Variants in F8 observed in about 807,000 individuals in gnomAD.
F8 encodes coagulation factor VIII.
F8 carries 12 observed loss-of-function variants against 140.6 expected under a neutral mutation model. That is an observed-to-expected ratio of 0.09 (90% CI 0.05 to 0.14). F8 has a LOEUF of 0.14. F8 is among the 10% of genes least tolerant of loss of function. F8 has a pLI of 1.00. For synonymous variants in F8, 585 were observed against 614.6 expected, an observed-to-expected ratio of 0.95 and a Z score of 0.71; for missense variants, 1,354 against 1,720.7, an observed-to-expected ratio of 0.79 and a Z score of 3.77.
intron 25 of F8, among the ~76,000 whole-genome samples, chrX:154,844,747 T>A: frequency 9.0e-6 from 1 of 111,421 alleles, no homozygotes; most frequent in East Asian, 2.8e-4. Context: ...ACAGGGACAA[T>A]TTGACTTCCT....
At position 154,904,478 on chromosome X, in the gene F8, T is replaced by C; in HGVS notation, c.5633A>G (p.His1878Arg). Residue 1878 changes from histidine to arginine, a missense_variant, in exon 17 of 26, where the codon CAC becomes CGC. By Grantham distance (29) the His-to-Arg change is conservative. This residue lies in a region of F8 where 316 missense variants were observed against 485.4 expected (regional missense o/e 0.65). Coordinates refer to ENST00000360256, the MANE Select transcript of F8 (RefSeq NM_000132.4). ...SGLIGPLLVC[H>R]TNTLNPAHGR... The stretch of plus-strand genomic sequence containing the variant: ...ATGAGCAGGGTTCAGTGTGTTAGTG[T>C]GGCAGACCAGAAGGGGTCCAATCAG... 5.0e-6 allele frequency: 6 copies of C among 1,211,586 alleles called. No homozygotes were observed. Among genetic ancestry groups the C allele is most frequent in the Non-Finnish European group, 5.6e-6 (5 of 895,387 alleles).
chrX:154,871,593 C>A (rs782813292), intron 22 of F8, among the ~76,000 whole-genome samples: 2 of 112,046 alleles, frequency 1.8e-5, no homozygotes, highest in South Asian at 7.3e-4. Context: ...CCATAAAAAT[C>A]CTAGAAGAAA....
At position 154,896,135 on chromosome X, in the gene F8, T is replaced by C. The variant is rs137852459; in HGVS notation, c.6371A>G (p.Tyr2124Cys). 1.7e-6 allele frequency: 2 copies of C among 1,208,767 alleles called. No homozygotes were observed. ...SLYISQFIIM[Y>C]SLDGKKWQTY... ...CTGCCACTTCTTCCCATCAAGACTA[T>C]ACATGATGATAAACTGAGAGATGTA... is the stretch of plus-strand genomic sequence containing the variant. Residue 2124 changes from tyrosine to cysteine, a missense_variant, in exon 22 of 26, where the codon TAT (tyrosine) becomes TGT (cysteine). Transcript: ENST00000360256.
chrX:154,860,747 T>C lies in F8; in HGVS notation c.6724-139A>G, dbSNP rs181798951. ...CGGAGTCTTGCTCTGTCACCCAGGC[T>C]GTAGTGCAATGGCATGATCTCAGCT... On this transcript the variant is annotated intron_variant, in intron 24 of 25. Coordinates refer to ENST00000360256, the MANE Select transcript of F8 (RefSeq NM_000132.4). 14 of 578,238 alleles carry C rather than the reference T, an allele frequency of 2.4e-5. No individual in the cohort carries two copies. The African/African-American group carries it at 2.9e-4, about 12-fold the overall frequency. The allele number at this position is 578,238 out of a possible 1,213,427, so 47.7% of individuals were successfully genotyped here.
At chrX:154,922,912 G>T (rs1029586517) in intron 14 of F8, among the ~76,000 whole-genome samples, 2 of 111,995 alleles carry the variant, frequency 1.8e-5, no homozygotes, top group Admixed American at 1.9e-4. Context: ...CTGAAGCAGA[G>T]AACAGTGATC....
intron 5 of F8, among the ~76,000 whole-genome samples, chrX:154,986,870 T>A (rs2073561377): frequency 8.9e-6 from 1 of 111,793 alleles, no homozygotes; most frequent in South Asian, 3.8e-4. Context: ...AACAATCTTA[T>A]GAAAAATGTA....
In F8 at chrX:154,966,699, C is replaced by T. The variant is rs782713859; in HGVS notation, c.1010-12G>A. On this transcript the variant is annotated splice_polypyrimidine_tract_variant and intron_variant, in intron 7 of 25. Coordinates refer to ENST00000360256, the MANE Select transcript of F8 (RefSeq NM_000132.4). ...AGCTTCCATGCCATCTGGAGTCAGA[C>T]AAACCAAACAATGTCAGAGTGTCTT... The T allele has an allele frequency of 1.7e-6, 2 of 1,208,024 alleles. No homozygotes were observed. The highest frequency in any genetic ancestry group is 5.9e-5 in the East Asian group (2 of 33,786).
At chrX:154,948,419 T>G (rs1290084146) in intron 12 of F8, among the ~76,000 whole-genome samples, 1 of 112,113 alleles carries the variant, frequency 8.9e-6, no homozygotes, top group African/African-American at 3.2e-5. Context: ...AAAAGATATC[T>G]TTATTCACAG....
intron 4 of F8, 49 bp downstream of exon 4, chrX:154,992,887 T>C: frequency 9.1e-7 from 1 of 1,101,898 alleles, no homozygotes. Flanking sequence ...TTCAGTTGTT[T>C]GTACTTCTCT....
chrX:154,867,483 C>T lies in F8; in HGVS notation c.6430-4256G>A, dbSNP rs1388676880. Among the ~76,000 whole-genome samples, 5 of 109,356 alleles carry T rather than the reference C, an allele frequency of 4.6e-5. 1 individual carries two copies. The allele number at this position is 109,356 out of a possible 115,157, so 95.0% of individuals were successfully genotyped here. On this transcript the variant is annotated intron_variant, in intron 22 of 25. Coordinates refer to ENST00000360256, the MANE Select transcript of F8 (RefSeq NM_000132.4). ...GGCAAATCACTTGAGGTCAGGAATT[C>T]GAGACCAGCCTGGCCAACAAGGTGA...
At position 154,974,770 on chromosome X, in the gene F8, T is replaced by C. The variant is rs372363110; in HGVS notation, c.788-5218A>G. 7.2e-5 allele frequency among the ~76,000 whole-genome samples: 8 copies of C among 110,951 alleles called. No individual in the cohort carries two copies. In the East Asian group the frequency reaches 1.7e-3, roughly 24 times the overall value. ...ATTTTTGCTTCAATCTTGTTGCTCA[T>C]TGTTGATTTGTTCAAAATTTCCATT... On this transcript the variant is annotated intron_variant, in intron 6 of 25. Transcript: ENST00000360256.
intron 22 of F8, among the ~76,000 whole-genome samples, chrX:154,880,776 T>A (rs2072853956): frequency 8.9e-6 from 1 of 112,245 alleles, no homozygotes; most frequent in African/African-American, 3.2e-5. Flanking sequence ...CATCAACTGA[T>A]GAGTAGATAA....
At chrX:154,972,182 C>T (rs1399384962) in intron 6 of F8, among the ~76,000 whole-genome samples, 2 of 112,130 alleles carry the variant, frequency 1.8e-5, no homozygotes, top group African/African-American at 6.5e-5. Context: ...TCCTTGCTAG[C>T]ACTTGTTATT....
rs2073026781 is a variant in F8 at position 154,904,411 on chromosome X, G to A, written c.5700C>T (p.Thr1900=). 3 of 1,211,201 alleles carry A rather than the reference G, an allele frequency of 2.5e-6. No individual in the cohort carries two copies. Among genetic ancestry groups the A allele is most frequent in the Non-Finnish European group, 3.4e-6 (3 of 894,890 alleles). Residue 1900 remains threonine, a synonymous_variant, in exon 17 of 26, where the codon ACC becomes ACT. Transcript: ENST00000360256. ...ACCAGCTTTTGGTCTCATCAAAGAT[G>A]GTGAAAAACAGAGCAAATTCCTGTA... is the stretch of plus-strand genomic sequence containing the variant. ...VTVQEFALFF[T]IFDETKSWYF...
intron 3 of F8, 39 bp from the exon 4 acceptor site, chrX:154,993,187 A>G (rs781962185): frequency 9.3e-7 from 1 of 1,075,869 alleles, no homozygotes; most frequent in East Asian, 3.0e-5. Flanking sequence ...TTCTATATCC[A>G]CTGTACACTC....
chrX:154,902,100 G>T lies in F8; in HGVS notation c.6066C>A (p.Gly2022=), dbSNP rs1381488985. ...AGIWRVECLI[G]EHLHAGMSTL... ...TGCTCATCCCAGCATGTAGATGCTC[G>T]CCAATAAGGCATTCCACCCGCCAAA... The change falls in exon 19 of 26, where the codon GGC becomes GGA. Residue 2022 remains glycine, a synonymous_variant. Transcript: ENST00000360256. 2.5e-6 allele frequency: 3 copies of T among 1,208,659 alleles called. No individual in the cohort carries two copies. The South Asian group carries it at 5.3e-5, about 21-fold the overall frequency.
At chrX:155,013,547 T>A (rs2073720160) in intron 1 of F8, among the ~76,000 whole-genome samples, 1 of 111,655 alleles carries the variant, frequency 9.0e-6, no homozygotes, top group Admixed American at 9.5e-5. Flanking sequence ...TAGAACGGAC[T>A]AATACCACTC....
intron 9 of F8, among the ~76,000 whole-genome samples, chrX:154,963,001 A>G (rs782684027): frequency 5.1e-4 from 57 of 111,570 alleles, no homozygotes; most frequent in Middle Eastern, 4.6e-3. Context: ...GGTGTGTGAT[A>G]TGAGGATAAA....
chrX:154,904,451 C>A lies in F8; in HGVS notation c.5660G>T (p.Gly1887Val), dbSNP rs782214058. The stretch of plus-strand genomic sequence containing the variant: ...AAATTCCTGTACTGTCACTTGTCTC[C>A]CATGAGCAGGGTTCAGTGTGTTAGT... ...CHTNTLNPAH[G>V]RQVTVQEFAL... is the part of the protein sequence containing the mutation. Residue 1887 changes from glycine to valine, a missense_variant, in exon 17 of 26, where the codon GGG (glycine) becomes GTG (valine). By Grantham distance (109) the Gly-to-Val change is moderately radical. Transcript: ENST00000360256. 6.6e-6 allele frequency: 8 copies of A among 1,211,563 alleles called. No homozygotes were observed. Among genetic ancestry groups the A allele is most frequent in the Non-Finnish European group, 8.9e-6 (8 of 895,389 alleles).
Sources: gnomAD v4.1 joint callset for allele counts (sites outside exome capture counted in the v4.1 genomes callset) on GRCh38, gnomAD v4.1.1 for gene constraint, gnomAD v4.1.1 regional missense constraint, MANE v1.5 for transcripts, NCBI Gene and HGNC (gene_info 2026-07-23, HGNC 2026-07-21) for gene names.